Variants in GNB4 observed in about 807,000 individuals in gnomAD.
GNB4 encodes the protein G protein subunit beta 4.
Under a neutral mutation model 45.2 loss-of-function variants are expected in GNB4, and 28 were observed. The ratio of observed to expected loss-of-function variants is 0.62; its 90% CI spans 0.46 to 0.85. The LOEUF (loss-of-function observed/expected upper bound fraction) is 0.85. GNB4 is among the 40% of genes least tolerant of loss of function. The pLI is 0.00. For missense variants in GNB4, 321 were observed against 425.4 expected (o/e 0.75, Z 2.16); for synonymous variants, 132 against 143.7 (o/e 0.92, Z 0.58).
chr3:179,503,518 G>A, the GNB4 span, among the ~76,000 whole-genome samples: 3 of 152,196 alleles, frequency 2.0e-5, no homozygotes, highest in Admixed American at 6.5e-5. Flanking sequence ...ATAGCTGGTC[G>A]TTATGTCCAT....
chr3:179,453,112 A>G (rs1186097812), upstream of GNB4, among the ~76,000 whole-genome samples: 1 of 152,194 alleles, frequency 6.6e-6, no homozygotes, highest in African/African-American at 2.4e-5. Flanking sequence ...AGATTGGATC[A>G]ACTCCAAAGC....
intron 2 of GNB4, among the ~76,000 whole-genome samples, chr3:179,423,236 C>T (rs577613931): frequency 2.6e-5 from 4 of 152,232 alleles, no homozygotes; most frequent in East Asian, 3.9e-4. Context: ...TAGTGAGATA[C>T]GGAGATGATT....
At chr3:179,478,491 C>G in the GNB4 span, among the ~76,000 whole-genome samples, 12,504 of 152,142 alleles carry the variant, frequency 0.082, 667 homozygotes, top group Middle Eastern at 0.15. Flanking sequence ...ATCCATTTTA[C>G]TAAGGTTTTG....
chr3:179,410,985 CATT>C (rs534932284), intron 8 of GNB4, among the ~76,000 whole-genome samples: 169 of 152,242 alleles, frequency 1.1e-3, no homozygotes, highest in Non-Finnish European at 1.9e-3. Flanking sequence ...TACGACATCA[CATT>C]ATACACTGTA....
chr3:179,505,351 T>C, the GNB4 span, among the ~76,000 whole-genome samples: 1 of 152,212 alleles, frequency 6.6e-6, no homozygotes, highest in Non-Finnish European at 1.5e-5. Flanking sequence ...GTCATGAAGA[T>C]GAAACTGTGT....
At chr3:179,489,020 ATAT>A in the GNB4 span, among the ~76,000 whole-genome samples, 11 of 29,484 alleles carry the variant, frequency 3.7e-4, 1 homozygote, top group Admixed American at 8.4e-4. Flanking sequence ...AAAAAAAAAA[ATAT>A]ATATATATAT....
chr3:179,410,361 T>C (rs1263620112), intron 8 of GNB4: 1 of 152,138 alleles, frequency 6.6e-6, no homozygotes, highest in African/African-American at 2.4e-5. Flanking sequence ...GATTGATAGA[T>C]AGATAGATAG....
the GNB4 span, among the ~76,000 whole-genome samples, chr3:179,457,728 C>A: frequency 6.6e-6 from 1 of 152,148 alleles, no homozygotes; most frequent in Non-Finnish European, 1.5e-5. Flanking sequence ...AACATTAATG[C>A]TTCTAGGAGT....
At chr3:179,520,495 C>G in the GNB4 span, among the ~76,000 whole-genome samples, 2 of 152,142 alleles carry the variant, frequency 1.3e-5, no homozygotes, top group Admixed American at 6.5e-5. Flanking sequence ...CTAGCCCTCA[C>G]GTCAGTGTGC....
the GNB4 span, among the ~76,000 whole-genome samples, chr3:179,471,912 CTT>C: frequency 6.6e-6 from 1 of 152,144 alleles, no homozygotes. Context: ...CATTAAAACT[CTT>C]TGACTTAGAT....
rs1272131031 is a variant in GNB4, at chr3:179,398,457, G to A, written c.*2756C>T. The stretch of plus-strand genomic sequence containing the variant: ...TTGAACCCAGGAGGCAGAGGTTGAG[G>A]TTGCAATGAGCCAAAATCACACCAC... On this transcript the variant is annotated 3_prime_UTR_variant, in exon 10 of 10. Transcript: ENST00000232564. 6.6e-6 allele frequency: 1 copy of A among 151,640 alleles called. No individual in the cohort carries two copies. Among genetic ancestry groups the A allele is most frequent in the Non-Finnish European group, 1.5e-5 (1 of 68,032 alleles). The allele number at this position is 151,640 out of a possible 1,614,324, so 9.4% of individuals were successfully genotyped here.
At chr3:179,500,599 GT>G in the GNB4 span, among the ~76,000 whole-genome samples, 1 of 152,160 alleles carries the variant, frequency 6.6e-6, no homozygotes, top group Non-Finnish European at 1.5e-5. Flanking sequence ...ATTTAAAGTA[GT>G]CTTTTCCAAT....
chr3:179,403,713 G>A (rs200503781), intron 9 of GNB4, among the ~76,000 whole-genome samples: 2 of 151,546 alleles, frequency 1.3e-5, no homozygotes, highest in African/African-American at 2.4e-5. Context: ...CAGGAGAATC[G>A]CTGGAACCTG....
chr3:179,446,367 T>C (rs1396653000), intron 1 of GNB4, among the ~76,000 whole-genome samples: 1 of 152,218 alleles, frequency 6.6e-6, no homozygotes. Context: ...AAGAGGTCTT[T>C]GAACTAAAGA....
At chr3:179,461,496 CAAA>C in the GNB4 span, among the ~76,000 whole-genome samples, 30,351 of 134,652 alleles carry the variant, frequency 0.23, 3,428 homozygotes, top group African/African-American at 0.34. Context: ...GACTCCGTCT[CAAA>C]AAAAAAAAAA....
chr3:179,415,099 G>A, intron 5 of GNB4, 52 bp from the exon 6 acceptor site: 2 of 1,347,268 alleles, frequency 1.5e-6, no homozygotes, highest in East Asian at 2.4e-5. Context: ...GTCATCTATT[G>A]CATAAACCCA....
the GNB4 span, among the ~76,000 whole-genome samples, chr3:179,466,262 C>T: frequency 4.6e-5 from 7 of 152,046 alleles, no homozygotes; most frequent in African/African-American, 1.7e-4. Context: ...CCACCTACCT[C>T]GGCCTCCCAA....
chr3:179,439,575 T>A (rs1406142146), intron 1 of GNB4, among the ~76,000 whole-genome samples: 1 of 152,230 alleles, frequency 6.6e-6, no homozygotes, highest in African/African-American at 2.4e-5. Context: ...TGTGAATTGA[T>A]AGCTTATCTT....
the GNB4 span, among the ~76,000 whole-genome samples, chr3:179,472,593 G>T: frequency 6.6e-6 from 1 of 151,828 alleles, no homozygotes; most frequent in African/African-American, 2.4e-5. Context: ...CAAACTCCTG[G>T]ACTCAAGGGA....
Sources: allele counts gnomAD v4.1 joint callset (sites outside exome capture counted in the v4.1 genomes callset), GRCh38; gene constraint gnomAD v4.1.1; transcripts MANE v1.5; gene names NCBI Gene and HGNC (gene_info 2026-07-23, HGNC 2026-07-21).